Variants in DENND1A observed in about 807,000 individuals in gnomAD.
DENND1A encodes DENN domain-containing protein 1A.
Under a neutral mutation model 113.7 loss-of-function variants are expected in DENND1A, and 51 were observed. The ratio of observed to expected loss-of-function variants is 0.45; its 90% CI spans 0.36 to 0.57. DENND1A has a LOEUF of 0.57. Ranked by LOEUF, DENND1A falls within the 20% of genes least tolerant of loss-of-function variation. The probability of loss-of-function intolerance (pLI) is 0.00; values close to 1 mark genes in which losing one functional copy is unlikely to be tolerated. For missense variants in DENND1A, 1,258 were observed against 1,395.9 expected (o/e 0.90, Z 1.57); for synonymous variants, 565 against 570.8 (o/e 0.99, Z 0.14).
chr9:123,814,003 C>A (rs73666294), intron 2 of DENND1A, among the ~76,000 whole-genome samples: 2,007 of 152,212 alleles, frequency 0.013, 50 homozygotes, highest in African/African-American at 0.046. Context: ...ATAAGCTAAC[C>A]AAAATTATTT....
intron 12 of DENND1A, among the ~76,000 whole-genome samples, chr9:123,581,764 G>T (rs918898316): frequency 6.6e-6 from 1 of 152,080 alleles, no homozygotes; most frequent in African/African-American, 2.4e-5. Flanking sequence ...ACACTTCCCC[G>T]ACCAGGACAC....
intron 10 of DENND1A, among the ~76,000 whole-genome samples, chr9:123,617,125 T>C (rs192955727): frequency 6.6e-6 from 1 of 152,266 alleles, no homozygotes; most frequent in African/African-American, 2.4e-5. Context: ...GTAACTGCCA[T>C]GAGGTAGGCA....
At chr9:123,865,058 T>C (rs1184534934) in intron 2 of DENND1A, among the ~76,000 whole-genome samples, 2 of 152,090 alleles carry the variant, frequency 1.3e-5, no homozygotes, top group Non-Finnish European at 2.9e-5. Context: ...AAATTAAATA[T>C]CCCTCCATAG....
intron 1 of DENND1A, among the ~76,000 whole-genome samples, chr9:123,920,843 G>A (rs1018030896): frequency 6.6e-6 from 1 of 151,930 alleles, no homozygotes; most frequent in Admixed American, 6.6e-5. Context: ...AAAGTGATGA[G>A]ATTACAGGTG....
At chr9:123,859,873 T>C (rs1416897066) in intron 2 of DENND1A, among the ~76,000 whole-genome samples, 1 of 152,050 alleles carries the variant, frequency 6.6e-6, no homozygotes, top group Non-Finnish European at 1.5e-5. Context: ...TGAAGCTGGA[T>C]AGGGAAAGGA....
intron 11 of DENND1A, among the ~76,000 whole-genome samples, chr9:123,594,410 G>A (rs1311176685): frequency 1.3e-5 from 2 of 152,058 alleles, no homozygotes; most frequent in East Asian, 1.9e-4. Context: ...AAAATAACTC[G>A]TCGGAAATCA....
chr9:123,764,612 C>A lies in DENND1A; in HGVS notation c.182+4902G>T, dbSNP rs180974646. 6.6e-6 allele frequency among the ~76,000 whole-genome samples: 1 copy of A among 152,318 alleles called. No individual in the cohort carries two copies. Among genetic ancestry groups the A allele is most frequent in the East Asian group, 1.9e-4 (1 of 5,188 alleles). On this transcript the variant is annotated intron_variant, in intron 4 of 23. Transcript: ENST00000394215. The surrounding 1 kb of genome is among the most constrained non-coding windows in gnomAD (Gnocchi z 4.1). ...CTTCGAGACAGAACGCAATGCCTAC[C>A]TGCTGGAGAAACTCACCAGACAATT...
intron 18 of DENND1A, among the ~76,000 whole-genome samples, chr9:123,449,454 G>C (rs1370610529): frequency 4.0e-5 from 6 of 151,102 alleles, no homozygotes; most frequent in Admixed American, 4.0e-4. Flanking sequence ...AGAATCACTT[G>C]AACCCGGGAG....
chr9:123,557,639 C>T lies in DENND1A; in HGVS notation c.924G>A (p.Val308=). Residue 308 remains valine (V), a synonymous_variant, in exon 13 of 24, where the codon GTG becomes GTA. Coordinates refer to ENST00000394215, the MANE Select transcript of DENND1A (RefSeq NM_001352964.2). ...CCTGGGCCTTGAGGAACGCTCTGGC[C>T]ACACCATCCCCAGTGGTTGTGGAGA... ...KKVSTTTGDG[V]ARAFLKAQAA... 1 of 1,614,136 alleles carries T rather than the reference C, an allele frequency of 6.2e-7. No individual in the cohort carries two copies. Among genetic ancestry groups the T allele is most frequent in the South Asian group, 1.1e-5 (1 of 91,048 alleles).
At chr9:123,658,952 C>A (rs554885698) in intron 8 of DENND1A, among the ~76,000 whole-genome samples, 41 of 152,226 alleles carry the variant, frequency 2.7e-4, no homozygotes, top group Admixed American at 2.0e-4. Context: ...ATCATACCCA[C>A]TGAAGGGTGA....
chr9:123,739,515 C>T (rs141968598), intron 5 of DENND1A, among the ~76,000 whole-genome samples: 19 of 152,138 alleles, frequency 1.2e-4, no homozygotes, highest in Admixed American at 7.9e-4. Context: ...AAAAGAAATG[C>T]GGTAACCAAC....
chr9:123,715,186 A>AT (rs1554972467), intron 5 of DENND1A, among the ~76,000 whole-genome samples: 4,409 of 152,008 alleles, frequency 0.029, 127 homozygotes, highest in Non-Finnish European at 0.04. Flanking sequence ...TCTCCAAAAA[A>AT]AATAATAATA....
chr9:123,885,063 G>A (rs1848859509), intron 1 of DENND1A, among the ~76,000 whole-genome samples: 3 of 147,276 alleles, frequency 2.0e-5, no homozygotes, highest in East Asian at 2.0e-4. Flanking sequence ...ACACACAGAC[G>A]CACGCACACA....
rs10542393 is a variant in DENND1A at position 123,506,580 on chromosome 9, CAAAAAAAA to C, written c.994-48691_994-48684del. On this transcript the variant is annotated intron_variant, in intron 13 of 23. Transcript: ENST00000394215. ...CTGGTGACAGAGTGAGACTCTGTCT[CAAAAAAAA>C]AAAAAAAAAAAAAAAAGAATTATTA... Among the ~76,000 whole-genome samples, 9 of 73,894 alleles carry C rather than the reference CAAAAAAAA, an allele frequency of 1.2e-4. 1 individual carries two copies. Among genetic ancestry groups the C allele is most frequent in the Non-Finnish European group, 1.9e-4 (8 of 43,216 alleles). 48.5% of individuals were successfully genotyped at this position (73,894 alleles called of 152,430 possible).
In DENND1A at chr9:123,794,649, C is replaced by T. The variant is rs547648830; in HGVS notation, c.89-2019G>A. ...TTTGTGAAAGACTATATGTCCGAAA[C>T]CAAAATTTGTAGTATATTCTTCAAT... On this transcript the variant is annotated intron_variant, in intron 2 of 23. Transcript: ENST00000394215. 6.8e-4 allele frequency among the ~76,000 whole-genome samples: 104 copies of T among 152,212 alleles called. 2 individuals carry two copies. In the South Asian group the frequency reaches 0.01, roughly 15 times the overall value.
chr9:123,928,870 T>C (rs1857539426), intron 1 of DENND1A: 1 of 985,370 alleles, frequency 1.0e-6, no homozygotes, highest in Non-Finnish European at 1.2e-6. Flanking sequence ...GGGTTTAAAG[T>C]GTCCTAGGAA....
intron 1 of DENND1A, among the ~76,000 whole-genome samples, chr9:123,893,002 T>TAATAAAGAATAAGAATAAAAAAG (rs1200422170): frequency 6.6e-6 from 1 of 150,716 alleles, no homozygotes; most frequent in Admixed American, 6.6e-5. Context: ...AGAATAATAA[T>TAATAAAGAATAAGAATAAAAAAG]AATAAAGAAT....
At chr9:123,690,052 AGGAG>A (rs1299187082) in intron 5 of DENND1A, among the ~76,000 whole-genome samples, 205 of 103,798 alleles carry the variant, frequency 2.0e-3, no homozygotes, top group African/African-American at 6.6e-3. Flanking sequence ...GAAGAAGGAA[AGGAG>A]GGAGGGAGGG....
At chr9:123,674,764 C>T (rs2063963568) in intron 6 of DENND1A, among the ~76,000 whole-genome samples, 1 of 152,104 alleles carries the variant, frequency 6.6e-6, no homozygotes, top group Admixed American at 6.5e-5. Context: ...TAGGTTGTAC[C>T]TACCCTTTTA....
Sources: allele counts gnomAD v4.1 joint callset (sites outside exome capture counted in the v4.1 genomes callset), GRCh38; gene constraint gnomAD v4.1.1; non-coding constraint Gnocchi (gnomAD v3.1); transcripts MANE v1.5; gene names NCBI Gene and HGNC (gene_info 2026-07-23, HGNC 2026-07-21).